PRKAR2A: variants seen among roughly 807,000 people sequenced by gnomAD.
PRKAR2A encodes cAMP-dependent protein kinase type II-alpha regulatory subunit.
PRKAR2A carries 29 observed loss-of-function variants against 51.9 expected under a neutral mutation model. That is an observed-to-expected ratio of 0.56 (90% CI 0.42 to 0.76). The LOEUF is 0.76. PRKAR2A is among the 30% of genes least tolerant of loss of function. The probability of loss-of-function intolerance (pLI) is 0.00; values close to 1 mark genes in which losing one functional copy is unlikely to be tolerated. For synonymous variants in PRKAR2A, 178 were observed against 186.2 expected (o/e 0.96, Z 0.36); for missense variants, 445 against 512.1 (o/e 0.87, Z 1.26).
intron 1 of PRKAR2A, among the ~76,000 whole-genome samples, chr3:48,833,698 G>A (rs1411060249): frequency 1.4e-5 from 2 of 146,034 alleles, no homozygotes. Context: ...CGACAAGAGT[G>A]AGACTTGGTC....
intron 1 of PRKAR2A, among the ~76,000 whole-genome samples, chr3:48,824,328 G>C (rs1479035385): frequency 3.3e-5 from 5 of 152,050 alleles, no homozygotes; most frequent in Admixed American, 3.3e-4. Flanking sequence ...CCAGGAGGCA[G>C]AGGTTGCAGT....
intron 6 of PRKAR2A, among the ~76,000 whole-genome samples, chr3:48,770,978 C>A (rs1319883999): frequency 6.6e-6 from 1 of 152,146 alleles, no homozygotes; most frequent in Non-Finnish European, 1.5e-5. Context: ...GTAATCCCAG[C>A]ACTTTGGGAG....
chr3:48,805,077 AT>A (rs1020567251), intron 2 of PRKAR2A, among the ~76,000 whole-genome samples: 2 of 150,890 alleles, frequency 1.3e-5, no homozygotes, highest in South Asian at 2.1e-4. Context: ...ATGCCCAGCT[AT>A]TTTTTTTTAA....
rs1193088664 is a variant in PRKAR2A, at chr3:48,847,496, A to G, written c.101T>C (p.Val34Ala). The G allele has an allele frequency of 6.4e-7, 1 of 1,556,468 alleles. No homozygotes were observed. The highest frequency in any genetic ancestry group is 8.7e-7 in the Non-Finnish European group (1 of 1,150,504). ...CTCGCGCAGGCGGGTGAAGTACTCCACTGCGAATTCGACGAGGTCAGGCGG... is the reference window on the plus strand; with the variant it reads ...CTCGCGCAGGCGGGTGAAGTACTCCGCTGCGAATTCGACGAGGTCAGGCGG... ...QQPPDLVEFA[V>A]EYFTRLREAR... is the part of the protein sequence containing the mutation. The change falls in exon 1 of 11, where the codon GTG (valine) becomes GCG (alanine). Residue 34 changes from valine to alanine, a missense_variant. By Grantham distance (64) the Val-to-Ala change is moderately conservative. Transcript: ENST00000265563. The surrounding 1 kb of genome is among the most constrained non-coding windows in gnomAD (Gnocchi z 4.4).
intron 5 of PRKAR2A, 52 bp downstream of exon 5, chr3:48,782,934 G>T: frequency 2.3e-6 from 3 of 1,284,736 alleles, no homozygotes; most frequent in Non-Finnish European, 2.3e-6. Flanking sequence ...TCTGCCCTGA[G>T]TCATGAATCC....
chr3:48,768,396 CATAG>C (rs1644295373), intron 6 of PRKAR2A, among the ~76,000 whole-genome samples: 1 of 151,714 alleles, frequency 6.6e-6, no homozygotes, highest in Non-Finnish European at 1.5e-5. Context: ...TACATAGATA[CATAG>C]ATAGATAAAA....
chr3:48,820,877 T>C (rs2107402106), intron 1 of PRKAR2A, among the ~76,000 whole-genome samples: 1 of 152,222 alleles, frequency 6.6e-6, no homozygotes, highest in Middle Eastern at 3.4e-3. Flanking sequence ...CAGACCCACA[T>C]TCCCAATGTT....
chr3:48,805,607 T>A (rs1463508923), intron 2 of PRKAR2A, among the ~76,000 whole-genome samples: 1 of 152,186 alleles, frequency 6.6e-6, no homozygotes, highest in African/African-American at 2.4e-5. Context: ...GGGATAATCA[T>A]GGTATGGGCC....
intron 6 of PRKAR2A, 34 bp from the exon 7 acceptor site, chr3:48,765,383 C>T (rs1247094731): frequency 1.4e-6 from 2 of 1,434,208 alleles, no homozygotes; most frequent in Non-Finnish European, 1.9e-6. Context: ...CTAGTAAATG[C>T]CTATATACAG....
At chr3:48,797,617 G>A (rs1440768840) in intron 2 of PRKAR2A, among the ~76,000 whole-genome samples, 1 of 152,156 alleles carries the variant, frequency 6.6e-6, no homozygotes, top group Non-Finnish European at 1.5e-5. Context: ...TGTGGCCCAT[G>A]CCACTTGTGC....
chr3:48,785,753 T>C lies in PRKAR2A; in HGVS notation c.436-2661A>G, dbSNP rs374731287. On this transcript the variant is annotated intron_variant, in intron 4 of 10. Coordinates refer to ENST00000265563, the MANE Select transcript of PRKAR2A (RefSeq NM_004157.4). ...CTAAATATTTAGTGGTGAAGGGTCATGATGTCATAAATGGCTCAGAACAAA... is the reference window on the plus strand; with the variant it reads ...CTAAATATTTAGTGGTGAAGGGTCACGATGTCATAAATGGCTCAGAACAAA... Among the ~76,000 whole-genome samples the C allele has an allele frequency of 3.6e-4, 55 of 152,270 alleles. 1 individual carries two copies. In the South Asian group the frequency reaches 8.1e-3, roughly 22 times the overall value.
intron 1 of PRKAR2A, among the ~76,000 whole-genome samples, chr3:48,815,037 A>G (rs2082850739): frequency 6.6e-6 from 1 of 151,876 alleles, no homozygotes. Flanking sequence ...TCAGCCTCCC[A>G]AGTAGCTGGG....
chr3:48,752,284 C>T lies in PRKAR2A; in HGVS notation c.973G>A (p.Val325Ile), dbSNP rs2081662071. The T allele has an allele frequency of 6.2e-7, 1 of 1,614,024 alleles. No individual in the cohort carries two copies. The change falls in exon 10 of 11, where the codon GTC becomes ATC. Residue 325 changes from valine (V) to isoleucine (I), a missense_variant. Coordinates refer to ENST00000265563, the MANE Select transcript of PRKAR2A (RefSeq NM_004157.4). ...CCCTTATGGCAGCGGGCAATCTCGA[C>T]CTCCTGGTTCCCACCATCCTTGTTT... ...KSNKDGGNQE[V>I]EIARCHKGQY...
chr3:48,796,168 A>G (rs1476025097), intron 2 of PRKAR2A, among the ~76,000 whole-genome samples: 1 of 152,170 alleles, frequency 6.6e-6, no homozygotes, highest in Admixed American at 6.6e-5. Context: ...CTTCTAATAA[A>G]TCATCAGTGA....
At chr3:48,838,211 C>A (rs1325540576) in intron 1 of PRKAR2A, among the ~76,000 whole-genome samples, 1 of 151,742 alleles carries the variant, frequency 6.6e-6, no homozygotes, top group Non-Finnish European at 1.5e-5. Flanking sequence ...TTATATGATT[C>A]CATTTATATG....
At chr3:48,769,010 G>A (rs1240397799) in intron 6 of PRKAR2A, among the ~76,000 whole-genome samples, 1 of 151,526 alleles carries the variant, frequency 6.6e-6, no homozygotes, top group Non-Finnish European at 1.5e-5. Flanking sequence ...TGAGGCAGGA[G>A]AATTGCTTGA....
chr3:48,797,972 GAC>G (rs1169788457), intron 2 of PRKAR2A, among the ~76,000 whole-genome samples: 1 of 151,898 alleles, frequency 6.6e-6, no homozygotes, highest in Non-Finnish European at 1.5e-5. Flanking sequence ...TCTTTTTTGA[GAC>G]ACAGTTTTGC....
At chr3:48,839,634 G>GT (rs1042358349) in intron 1 of PRKAR2A, among the ~76,000 whole-genome samples, 2 of 152,098 alleles carry the variant, frequency 1.3e-5, no homozygotes, top group African/African-American at 4.8e-5. Context: ...CAGCTAGTAA[G>GT]TTTTTTGACT....
intron 1 of PRKAR2A, among the ~76,000 whole-genome samples, chr3:48,834,998 GTC>G (rs920162834): frequency 1.4e-5 from 2 of 138,308 alleles, no homozygotes; most frequent in Non-Finnish European, 1.5e-5. Flanking sequence ...TTGAGACAAA[GTC>G]TCATTCTGTC....
Sources: allele counts gnomAD v4.1 joint callset (sites outside exome capture counted in the v4.1 genomes callset), GRCh38; gene constraint gnomAD v4.1.1; non-coding constraint Gnocchi (gnomAD v3.1); transcripts MANE v1.5; gene names NCBI Gene and HGNC (gene_info 2026-07-23, HGNC 2026-07-21).